Variants in TSHZ2 observed in about 807,000 individuals in gnomAD.
TSHZ2 encodes the protein teashirt zinc finger homeobox 2.
Under a neutral mutation model 74.4 loss-of-function variants are expected in TSHZ2, and 21 were observed. That is an observed-to-expected ratio of 0.28 (90% confidence interval 0.20 to 0.41). The LOEUF is 0.41. Ranked by LOEUF, TSHZ2 falls within the 10% of genes least tolerant of loss-of-function variation. The pLI is 1.00. For synonymous variants in TSHZ2, 540 were observed against 515.3 expected, an observed-to-expected ratio of 1.05 and a Z score of -0.65; for missense variants, 1,244 against 1,293.5, an observed-to-expected ratio of 0.96 and a Z score of 0.59.
intron 2 of TSHZ2, among the ~76,000 whole-genome samples, chr20:53,394,682 A>G (rs1036358666): frequency 6.6e-6 from 1 of 150,942 alleles, no homozygotes; most frequent in East Asian, 1.9e-4. Flanking sequence ...CCTTATTTAT[A>G]TAGCAATGAC....
intron 1 of TSHZ2, among the ~76,000 whole-genome samples, chr20:53,024,527 C>A (rs1983364858): frequency 6.6e-6 from 1 of 151,894 alleles, no homozygotes; most frequent in Non-Finnish European, 1.5e-5. Flanking sequence ...TTAAGATCTG[C>A]AGTACATGAG....
chr20:53,108,395 C>T (rs892194383), intron 1 of TSHZ2, among the ~76,000 whole-genome samples: 1 of 152,122 alleles, frequency 6.6e-6, no homozygotes, highest in Admixed American at 6.6e-5. Flanking sequence ...GCTTGTATTC[C>T]ACATTCCACA....
chr20:53,301,004 G>A (rs1198719610), intron 2 of TSHZ2, among the ~76,000 whole-genome samples: 1 of 151,990 alleles, frequency 6.6e-6, no homozygotes, highest in Non-Finnish European at 1.5e-5. Context: ...CACCCAGGCT[G>A]GAGGCTGGAG....
intron 1 of TSHZ2, among the ~76,000 whole-genome samples, chr20:53,106,571 A>G (rs889454609): frequency 7.0e-6 from 1 of 143,738 alleles, no homozygotes; most frequent in African/African-American, 2.6e-5. Flanking sequence ...TGCCCAGCTA[A>G]TTTTTTGTAT....
At chr20:53,446,480 G>A (rs1163386007) in intron 2 of TSHZ2, among the ~76,000 whole-genome samples, 1 of 150,910 alleles carries the variant, frequency 6.6e-6, no homozygotes, top group Non-Finnish European at 1.5e-5. Context: ...TCGGGAGGCT[G>A]AGGCAGGAGA....
intron 1 of TSHZ2, among the ~76,000 whole-genome samples, chr20:53,068,983 A>G (rs1277590657): frequency 1.3e-5 from 2 of 152,104 alleles, no homozygotes; most frequent in Admixed American, 6.6e-5. Flanking sequence ...AGAATAGAAG[A>G]GAAAGGAAAG....
At chr20:53,340,264 A>G in intron 2 of TSHZ2, among the ~76,000 whole-genome samples, 1 of 137,034 alleles carries the variant, frequency 7.3e-6, no homozygotes, top group East Asian at 2.2e-4. Context: ...CTCACTGCAA[A>G]CTCCGCCTCC....
rs1158724173 is a variant in TSHZ2, at chr20:53,457,716, A to G, written c.*9-29428A>G. Among the ~76,000 whole-genome samples the G allele has an allele frequency of 2.7e-5, 4 of 149,894 alleles. No individual in the cohort carries two copies. The East Asian group carries it at 7.9e-4, about 29-fold the overall frequency. ...GGGTTTGTCATAGATAGCTCTTATT[A>G]TTTTGAAATATGTCCCATCAATACC... is the stretch of plus-strand genomic sequence containing the variant. On this transcript the variant is annotated intron_variant, in intron 2 of 2. Transcript: ENST00000371497.
At chr20:53,007,132 G>A (rs182439577) in intron 1 of TSHZ2, among the ~76,000 whole-genome samples, 2 of 152,276 alleles carry the variant, frequency 1.3e-5, no homozygotes, top group African/African-American at 4.8e-5. Flanking sequence ...GGCAAGAAAG[G>A]CTTCCCTGAG....
intron 1 of TSHZ2, among the ~76,000 whole-genome samples, chr20:53,104,245 G>A (rs1051932912): frequency 2.0e-5 from 3 of 151,952 alleles, no homozygotes; most frequent in African/African-American, 7.3e-5. Context: ...CAGGCAGACT[G>A]GGGGGTGGGG....
At chr20:52,993,296 A>C (rs1982061216) in intron 1 of TSHZ2, among the ~76,000 whole-genome samples, 1 of 152,164 alleles carries the variant, frequency 6.6e-6, no homozygotes, top group South Asian at 2.1e-4. Flanking sequence ...AACATTCTAG[A>C]CAGTGTTTTA....
At position 53,045,663 on chromosome 20, in the gene TSHZ2, T is replaced by C. The variant is rs1984201676; in HGVS notation, c.40+72330T>C. Among the ~76,000 whole-genome samples the C allele has an allele frequency of 9.2e-5, 14 of 152,278 alleles. No homozygotes were observed. In the South Asian group the frequency reaches 2.9e-3, roughly 32 times the overall value. Reference sequence around the variant, plus strand: ...CAGTGGTAACAGTTCACCCATGGAGTCAGATAACCTGGCTTCGAATCTGGG... The same window carrying C: ...CAGTGGTAACAGTTCACCCATGGAGCCAGATAACCTGGCTTCGAATCTGGG... On this transcript the variant is annotated intron_variant, in intron 1 of 2. Transcript: ENST00000371497.
At position 53,014,456 on chromosome 20, in the gene TSHZ2, C is replaced by T. The variant is rs1055035174; in HGVS notation, c.40+41123C>T. Among the ~76,000 whole-genome samples the T allele has an allele frequency of 6.6e-5, 10 of 152,136 alleles. No homozygotes were observed. The South Asian group carries it at 1.7e-3, about 25-fold the overall frequency. ...GAAGAATGCAGAAAAATTTCTTCAC[C>T]TATTTATGGAGCATTAGTTATGAAC... is the stretch of plus-strand genomic sequence containing the variant. On this transcript the variant is annotated intron_variant, in intron 1 of 2. Coordinates refer to ENST00000371497, the MANE Select transcript of TSHZ2 (RefSeq NM_173485.6).
At chr20:53,226,876 C>T (rs537269871) in intron 1 of TSHZ2, among the ~76,000 whole-genome samples, 52 of 152,188 alleles carry the variant, frequency 3.4e-4, no homozygotes, top group African/African-American at 1.1e-3. Context: ...CTAGATCCAG[C>T]GGTGTCTGAA....
At chr20:53,036,265 A>G (rs6068435) in intron 1 of TSHZ2, among the ~76,000 whole-genome samples, 39,273 of 152,048 alleles carry the variant, frequency 0.26, 7,510 homozygotes, top group African/African-American at 0.54. Context: ...TCTTTTCTCA[A>G]TATGATAAAC....
At chr20:53,358,710 C>A (rs1980942567) in intron 2 of TSHZ2, among the ~76,000 whole-genome samples, 2 of 152,102 alleles carry the variant, frequency 1.3e-5, no homozygotes, top group South Asian at 4.1e-4. Flanking sequence ...CCAATTTATG[C>A]ATAAAATAAA....
At chr20:53,128,240 G>A (rs962139982) in intron 1 of TSHZ2, among the ~76,000 whole-genome samples, 2 of 152,178 alleles carry the variant, frequency 1.3e-5, no homozygotes, top group Non-Finnish European at 2.9e-5. Context: ...AACCCCATAT[G>A]GGACACATTT....
At chr20:53,239,981 AGG>A (rs201664729) in intron 1 of TSHZ2, among the ~76,000 whole-genome samples, 2,482 of 152,286 alleles carry the variant, frequency 0.016, 55 homozygotes, top group African/African-American at 0.057. Context: ...TAAGCAGTAA[AGG>A]GTATTATTTG....
At chr20:53,132,565 C>T (rs1018274305) in intron 1 of TSHZ2, among the ~76,000 whole-genome samples, 3 of 152,150 alleles carry the variant, frequency 2.0e-5, no homozygotes, top group Non-Finnish European at 4.4e-5. Flanking sequence ...CAGGCATAAG[C>T]CATGACACCC....
Sources: gnomAD v4.1 joint callset for allele counts (sites outside exome capture counted in the v4.1 genomes callset) on GRCh38, gnomAD v4.1.1 for gene constraint, MANE v1.5 for transcripts, NCBI Gene and HGNC (gene_info 2026-07-23, HGNC 2026-07-21) for gene names.